Variants in TBC1D30 observed in about 807,000 individuals in gnomAD.
TBC1D30 encodes the protein TBC1 domain family, member 30.
In TBC1D30, 31 loss-of-function variants were observed where a neutral mutation model predicts 63.2. The ratio of observed to expected loss-of-function variants is 0.49; its 90% CI spans 0.37 to 0.66. The LOEUF is 0.66. Ranked by LOEUF, TBC1D30 falls within the 30% of genes least tolerant of loss-of-function variation. The pLI is 0.00. For synonymous variants in TBC1D30, 307 were observed against 361.5 expected (o/e 0.85, Z 1.71); for missense variants, 810 against 953.6 (o/e 0.85, Z 1.98).
chr12:64,782,020 T>C (rs1458910622), intron 1 of TBC1D30, among the ~76,000 whole-genome samples: 1 of 152,108 alleles, frequency 6.6e-6, no homozygotes, highest in Non-Finnish European at 1.5e-5. Flanking sequence ...GAGGCTAATT[T>C]GGTGTTTCTT....
At chr12:64,814,002 C>G (rs781457658) in intron 2 of TBC1D30, among the ~76,000 whole-genome samples, 1 of 152,066 alleles carries the variant, frequency 6.6e-6, no homozygotes, top group Non-Finnish European at 1.5e-5. Flanking sequence ...GTGGATGAAT[C>G]AGGTGTGGGA....
At chr12:64,813,992 G>A (rs569100603) in intron 2 of TBC1D30, among the ~76,000 whole-genome samples, 7 of 152,292 alleles carry the variant, frequency 4.6e-5, no homozygotes, top group African/African-American at 1.2e-4. Context: ...ATACAAGGGC[G>A]TGGATGAATC....
chr12:64,823,789 G>T (rs1207018297), upstream of TBC1D30, among the ~76,000 whole-genome samples: 1 of 152,046 alleles, frequency 6.6e-6, no homozygotes, highest in Non-Finnish European at 1.5e-5. Context: ...CATCATCCTG[G>T]TTTTTTAAAA....
In TBC1D30 at chr12:64,875,134, C is replaced by T. The variant is rs1447613191; in HGVS notation, c.1632C>T (p.His544=). 2 of 1,536,466 alleles carry T rather than the reference C, an allele frequency of 1.3e-6. No individual in the cohort carries two copies. The highest frequency in any genetic ancestry group is 1.7e-4 in the Middle Eastern group (1 of 5,992). The change falls in exon 12 of 12, where the codon CAC becomes CAT. Residue 544 remains histidine, a synonymous_variant. Transcript: ENST00000539867. ...ATGCTGTCATCCACATCCCTGGTCA[C>T]ACAGGAGGGAAAATATCTCCTGTCC... ...AKNAVIHIPG[H]TGGKISPVPY... is the part of the protein sequence containing the mutation.
chr12:64,760,763 T>C (rs1419277601), intron 1 of TBC1D30, among the ~76,000 whole-genome samples: 2 of 150,840 alleles, frequency 1.3e-5, no homozygotes, highest in African/African-American at 2.4e-5. Context: ...GAAAACACTA[T>C]ACTATAAGGT....
upstream of TBC1D30, among the ~76,000 whole-genome samples, chr12:64,776,749 C>T (rs945082318): frequency 3.3e-5 from 5 of 152,234 alleles, no homozygotes; most frequent in African/African-American, 1.2e-4. Context: ...TCCTCCCTAA[C>T]TCATTCTATG....
At chr12:64,842,320 C>T (rs1875954301) in intron 7 of TBC1D30, among the ~76,000 whole-genome samples, 1 of 152,136 alleles carries the variant, frequency 6.6e-6, no homozygotes, top group African/African-American at 2.4e-5. Context: ...GATCACACCA[C>T]TGTGCTTCAG....
At chr12:64,828,317 T>A in intron 2 of TBC1D30, 127 bp from the exon 3 acceptor site, 1 of 691,194 alleles carries the variant, frequency 1.4e-6, no homozygotes, top group Non-Finnish European at 2.5e-6. Flanking sequence ...AAAGAAGCTT[T>A]GACTGTTTAC....
At chr12:64,766,357 TAAAG>T (rs149018572) in intron 1 of TBC1D30, among the ~76,000 whole-genome samples, 6,358 of 151,872 alleles carry the variant, frequency 0.042, 417 homozygotes, top group African/African-American at 0.14. Flanking sequence ...AGAAAAAACA[TAAAG>T]AAAATCATAC....
At position 64,793,483 on chromosome 12, in the gene TBC1D30, A is replaced by G. The variant is rs1427059214; in HGVS notation, c.643+7438A>G. On this transcript the variant is annotated intron_variant, in intron 2 of 12. Transcript: ENST00000542120. ...ACATGGTGAAACCCCGTCTCTACCA[A>G]AAATACAAAAAAAAAAAAAAAAAAG... Among the ~76,000 whole-genome samples, 9 of 129,174 alleles carry G rather than the reference A, an allele frequency of 7.0e-5. No individual in the cohort carries two copies. The East Asian group carries it at 2.7e-3, about 38-fold the overall frequency. The allele number at this position is 129,174 out of a possible 152,430, so 84.7% of individuals were successfully genotyped here.
intron 4 of TBC1D30, among the ~76,000 whole-genome samples, chr12:64,831,802 C>A (rs145322612): frequency 1.7e-4 from 26 of 152,204 alleles, no homozygotes; most frequent in Non-Finnish European, 3.5e-4. Context: ...ATTATTAAAA[C>A]AATCAATTTA....
chr12:64,769,678 A>G lies in TBC1D30; in HGVS notation c.-376+10029A>G, dbSNP rs371595399. Among the ~76,000 whole-genome samples the G allele has an allele frequency of 5.4e-5, 8 of 148,156 alleles. No individual in the cohort carries two copies. The South Asian group carries it at 1.5e-3, about 28-fold the overall frequency. On this transcript the variant is annotated intron_variant, in intron 1 of 13. Coordinates refer to the TBC1D30 transcript ENST00000674237. ...TGGGATTACAGGTGTGAGCCACCGC[A>G]CCTGGCCTAATTTTTGTATTTTTAG...
At position 64,858,329 on chromosome 12, in the gene TBC1D30, G is replaced by A. The variant is rs182388871; in HGVS notation, c.1039-6339G>A. 3.1e-3 allele frequency among the ~76,000 whole-genome samples: 476 copies of A among 152,210 alleles called. 2 individuals carry two copies. Among genetic ancestry groups the A allele is most frequent in the Non-Finnish European group, 5.2e-3 (356 of 68,008 alleles). ...GATGATGGCTGTCTTTCTAGATTCC[G>A]TCTGCTCTAATACAGAATGAGTCTT... is the stretch of plus-strand genomic sequence containing the variant. On this transcript the variant is annotated intron_variant, in intron 8 of 11. Transcript: ENST00000539867.
chr12:64,851,998 G>T (rs528994438), intron 8 of TBC1D30, among the ~76,000 whole-genome samples: 1 of 152,134 alleles, frequency 6.6e-6, no homozygotes, highest in Non-Finnish European at 1.5e-5. Context: ...TATGTGTCTT[G>T]GGGTTGCTCT....
chr12:64,819,454 C>T (rs1242381864), intron 2 of TBC1D30, among the ~76,000 whole-genome samples: 1 of 123,842 alleles, frequency 8.1e-6, no homozygotes, highest in East Asian at 2.7e-4. Context: ...CTCGCTCTGT[C>T]ACCCAGGCTG....
chr12:64,852,118 A>T (rs1040989357), intron 8 of TBC1D30, among the ~76,000 whole-genome samples: 2 of 152,216 alleles, frequency 1.3e-5, no homozygotes, highest in African/African-American at 4.8e-5. Context: ...GTGTTTTCCA[A>T]CTCAGTTCCA....
intron 2 of TBC1D30, among the ~76,000 whole-genome samples, chr12:64,814,355 A>G (rs994033980): frequency 8.6e-5 from 13 of 152,018 alleles, no homozygotes; most frequent in Admixed American, 3.9e-4. Context: ...CCAGGAAGGT[A>G]CCATTTCTAA....
rs150372357 is a variant in TBC1D30, at chr12:64,773,092, A to G, written c.-375-12789A>G. ...AGGTTTGATGGCTTTAAAAAGTACT[A>G]AAATTGGGGCTGCATCTTTGCTGTT... On this transcript the variant is annotated intron_variant, in intron 1 of 13. Coordinates refer to the TBC1D30 transcript ENST00000674237. Among the ~76,000 whole-genome samples the G allele has an allele frequency of 1.6e-3, 251 of 152,356 alleles. 1 individual carries two copies. The highest frequency in any genetic ancestry group is 2.5e-3 in the Non-Finnish European group (169 of 68,034).
chr12:64,824,855 G>C lies in TBC1D30; in HGVS notation c.-25G>C, dbSNP rs529609286. 25 of 1,530,258 alleles carry C rather than the reference G, an allele frequency of 1.6e-5. No homozygotes were observed. In the African/African-American group the frequency reaches 2.6e-4, roughly 16 times the overall value. 94.8% of individuals were successfully genotyped at this position (1,530,258 alleles called of 1,614,324 possible). On this transcript the variant is annotated 5_prime_UTR_variant, in exon 1 of 12. Transcript: ENST00000539867. ...GCGGGGACCGAGACGGACGGTAGCC[G>C]TGCCAGAGCCCGGGGCGCTCTCGGA...
Sources: allele counts gnomAD v4.1 joint callset (sites outside exome capture counted in the v4.1 genomes callset), GRCh38; gene constraint gnomAD v4.1.1; transcripts MANE v1.5; gene names NCBI Gene and HGNC (gene_info 2026-07-23, HGNC 2026-07-21).